Variants in PTP4A2 observed in about 807,000 individuals in gnomAD.
PTP4A2 encodes the protein protein tyrosine phosphatase type IVA 2.
A neutral mutation model predicts 22.9 loss-of-function variants in PTP4A2; 2 were observed. That is an observed-to-expected ratio of 0.09 (90% CI 0.04 to 0.27). The LOEUF (loss-of-function observed/expected upper bound fraction) is 0.27, where lower values mean the gene tolerates loss of function less well. PTP4A2 is among the 10% of genes least tolerant of loss of function. The pLI, the probability that PTP4A2 is intolerant of heterozygous loss-of-function variation, is 1.00. For missense variants in PTP4A2, 103 were observed against 205.1 expected (o/e 0.50, Z 3.04); for synonymous variants, 68 against 69.1 (o/e 0.98, Z 0.08).
chr1:31,931,369 C>G (rs916688150), intron 1 of PTP4A2, among the ~76,000 whole-genome samples: 1 of 152,130 alleles, frequency 6.6e-6, no homozygotes, highest in African/African-American at 2.4e-5. Context: ...TCTGGAGAAG[C>G]CTTGACCGGG....
In PTP4A2 at chr1:31,926,149, A is replaced by AAAAAATATATATAT. The variant is rs59088489; in HGVS notation, c.-593-6492_-593-6491insATATATATATTTTT. Among the ~76,000 whole-genome samples, 75 of 131,322 alleles carry AAAAAATATATATAT rather than the reference A, an allele frequency of 5.7e-4. No individual in the cohort carries two copies. In the South Asian group the frequency reaches 0.011, roughly 19 times the overall value. 86.2% of individuals were successfully genotyped at this position (131,322 alleles called of 152,430 possible). On this transcript the variant is annotated intron_variant, in intron 1 of 5. Coordinates refer to ENST00000647444, the MANE Select transcript of PTP4A2 (RefSeq NM_080391.4). The stretch of plus-strand genomic sequence containing the variant: ...TTTCAAAAAATTAAAAAAAAAAAAA[A>AAAAAATATATATAT]ATATATATATATATATATATTTATC...
intron 1 of PTP4A2, among the ~76,000 whole-genome samples, chr1:31,923,580 C>T (rs370451871): frequency 6.6e-6 from 1 of 151,808 alleles, no homozygotes; most frequent in South Asian, 2.1e-4. Context: ...GTGATCCGCC[C>T]GCCTCGGCCT....
intron 2 of PTP4A2, among the ~76,000 whole-genome samples, chr1:31,917,571 T>C (rs966871984): frequency 3.6e-4 from 55 of 152,196 alleles, no homozygotes; most frequent in African/African-American, 1.2e-3. Flanking sequence ...TGGTCTCAGT[T>C]TTCCCATCTA....
chr1:31,932,010 T>A (rs1026724037), intron 1 of PTP4A2, among the ~76,000 whole-genome samples: 1 of 152,228 alleles, frequency 6.6e-6, no homozygotes, highest in East Asian at 1.9e-4. Context: ...ACCTAGTGAA[T>A]GTTTCCTGTA....
rs938705895 is a variant in PTP4A2, at chr1:31,906,618, T to C, written c.*2234A>G. ...TTTAAGAACAATTAACATTAGTCTT[T>C]AAAATAAAAGGAGGGCTAATGTTTC... On this transcript the variant is annotated 3_prime_UTR_variant, in exon 6 of 6. Coordinates refer to ENST00000647444, the MANE Select transcript of PTP4A2 (RefSeq NM_080391.4). 8 of 152,090 alleles carry C rather than the reference T, an allele frequency of 5.3e-5. No individual in the cohort carries two copies. The highest frequency in any genetic ancestry group is 1.0e-4 in the Non-Finnish European group (7 of 68,008). 9.4% of individuals were successfully genotyped at this position (152,090 alleles called of 1,614,324 possible). A position where few individuals can be genotyped will look rare whatever the true frequency, so the allele number is the denominator to read the frequency against.
At chr1:31,921,923 G>C (rs995901845) in intron 1 of PTP4A2, 1 of 151,954 alleles carries the variant, frequency 6.6e-6, no homozygotes, top group Non-Finnish European at 1.5e-5. Flanking sequence ...TAATATAAAA[G>C]ACACAAATGA....
intron 1 of PTP4A2, among the ~76,000 whole-genome samples, chr1:31,929,756 T>A (rs1410247074): frequency 1.3e-5 from 2 of 152,204 alleles, no homozygotes; most frequent in Non-Finnish European, 2.9e-5. Flanking sequence ...AACCATTGAA[T>A]CAATAATTTC....
intron 3 of PTP4A2, 84 bp from the exon 4 acceptor site, chr1:31,911,910 A>T: frequency 9.7e-7 from 1 of 1,027,204 alleles, no homozygotes; most frequent in South Asian, 1.9e-5. Context: ...CACAGTACAC[A>T]CGGCAGGCCT....
chr1:31,924,030 C>T (rs900671561), intron 1 of PTP4A2: 1 of 152,144 alleles, frequency 6.6e-6, no homozygotes, highest in African/African-American at 2.4e-5. Context: ...ATTTGAATCC[C>T]TTTGGTTCAA....
intron 1 of PTP4A2, among the ~76,000 whole-genome samples, chr1:31,920,992 C>T (rs185683396): frequency 6.6e-6 from 1 of 152,180 alleles, no homozygotes; most frequent in Non-Finnish European, 1.5e-5. Flanking sequence ...TTCTTTCTAT[C>T]CAAAGTATAT....
rs192061204 is a variant in PTP4A2 at position 31,922,911 on chromosome 1, C to T, written c.-593-3253G>A. 1.7e-3 allele frequency among the ~76,000 whole-genome samples: 260 copies of T among 151,658 alleles called. 1 individual carries two copies. Among genetic ancestry groups the T allele is most frequent in the African/African-American group, 5.0e-3 (205 of 41,334 alleles). On this transcript the variant is annotated intron_variant, in intron 1 of 5. Transcript: ENST00000647444. The stretch of plus-strand genomic sequence containing the variant: ...TCTTGGGATTACAGGCATGAGTCAC[C>T]GTGCCCGGCCCAAATACTTTTTATC...
intron 5 of PTP4A2, 45 bp from the exon 6 acceptor site, chr1:31,909,005 T>A: frequency 7.2e-7 from 1 of 1,380,542 alleles, no homozygotes; most frequent in South Asian, 1.2e-5. Flanking sequence ...AAAAAAGAGC[T>A]GTCTGATTCA....
chr1:31,928,341 T>C (rs2124248490), intron 1 of PTP4A2, among the ~76,000 whole-genome samples: 1 of 151,270 alleles, frequency 6.6e-6, no homozygotes, highest in South Asian at 2.1e-4. Context: ...AATTCAATTC[T>C]ACACAAATAA....
chr1:31,936,722 A>G (rs1345895678), intron 1 of PTP4A2, among the ~76,000 whole-genome samples: 1 of 152,162 alleles, frequency 6.6e-6, no homozygotes, highest in Non-Finnish European at 1.5e-5. Context: ...CATCTTCACC[A>G]ATACAATGGT....
At chr1:31,933,025 AG>A (rs1261612710) in intron 1 of PTP4A2, 1 of 151,674 alleles carries the variant, frequency 6.6e-6, no homozygotes, top group Non-Finnish European at 1.5e-5. Context: ...TTTTTGAGAC[AG>A]GGTCTCCCTC....
chr1:31,910,227 T>G, intron 4 of PTP4A2, 115 bp from the exon 5 acceptor site: 1 of 710,908 alleles, frequency 1.4e-6, no homozygotes, highest in Non-Finnish European at 2.4e-6. Context: ...TCCTGTATAC[T>G]AAAGTAGCTG....
At chr1:31,922,605 T>C (rs1652221109) in intron 1 of PTP4A2, among the ~76,000 whole-genome samples, 6 of 132,670 alleles carry the variant, frequency 4.5e-5, no homozygotes, top group African/African-American at 2.0e-4. Context: ...TTTCTTTCTT[T>C]CTTTCTTTCT....
chr1:31,935,284 C>T (rs764531255), intron 1 of PTP4A2, among the ~76,000 whole-genome samples: 11 of 152,162 alleles, frequency 7.2e-5, no homozygotes, highest in Admixed American at 2.0e-4. Flanking sequence ...AGCACACACC[C>T]CGGGGCCCCA....
At chr1:31,931,597 G>A (rs1652730933) in intron 1 of PTP4A2, among the ~76,000 whole-genome samples, 1 of 152,136 alleles carries the variant, frequency 6.6e-6, no homozygotes, top group Non-Finnish European at 1.5e-5. Flanking sequence ...CAGATAACGA[G>A]TTTAACTAAA....
Sources: allele counts gnomAD v4.1 joint callset (sites outside exome capture counted in the v4.1 genomes callset), GRCh38; gene constraint gnomAD v4.1.1; transcripts MANE v1.5; gene names NCBI Gene and HGNC (gene_info 2026-07-23, HGNC 2026-07-21).